KIRREL3: variants seen among roughly 807,000 people sequenced by gnomAD.
The protein encoded by KIRREL3 is kirre like nephrin family adhesion molecule 3, also known as kin of IRRE-like protein 3.
KIRREL3 carries 36 observed loss-of-function variants against 89.7 expected under a neutral mutation model. The observed-to-expected ratio is 0.40, with a 90% CI of 0.31 to 0.53. The LOEUF is 0.53. Ranked by LOEUF, KIRREL3 falls within the 20% of genes least tolerant of loss-of-function variation. KIRREL3 has a pLI of 0.49. For missense variants in KIRREL3, 864 were observed against 1,056.6 expected (o/e 0.82, Z 2.53); for synonymous variants, 445 against 441.4 (o/e 1.01, Z -0.10).
At chr11:126,971,747 C>T (rs948504071) in intron 1 of KIRREL3, among the ~76,000 whole-genome samples, 2 of 152,120 alleles carry the variant, frequency 1.3e-5, no homozygotes, top group African/African-American at 2.4e-5. Context: ...TGAATCTTTC[C>T]TATAGTCCAT....
At position 126,931,012 on chromosome 11, in the gene KIRREL3, C is replaced by T. The variant is rs568744623; in HGVS notation, c.55+69443G>A. On this transcript the variant is annotated intron_variant, in intron 1 of 16. Transcript: ENST00000525144. The surrounding 1 kb of genome is among the most constrained non-coding windows in gnomAD (Gnocchi z 5.1). Reference sequence around the variant, plus strand: ...TTCCCTCTGCCAGAATTCCCCTATCCATCTCCCACTCTCACACAGGACGAG... The same window carrying T: ...TTCCCTCTGCCAGAATTCCCCTATCTATCTCCCACTCTCACACAGGACGAG... Among the ~76,000 whole-genome samples, 2 of 152,326 alleles carry T rather than the reference C, an allele frequency of 1.3e-5. No homozygotes were observed. The highest frequency in any genetic ancestry group is 4.1e-4 in the South Asian group (2 of 4,824).
Position 126,710,437 on chromosome 11 carries a change from G to A in KIRREL3, c.56-147525C>T, listed in dbSNP as rs1185916179. Among the ~76,000 whole-genome samples, 2 of 152,146 alleles carry A rather than the reference G, an allele frequency of 1.3e-5. No individual in the cohort carries two copies. The highest frequency in any genetic ancestry group is 6.6e-5 in the Admixed American group (1 of 15,266). On this transcript the variant is annotated intron_variant, in intron 1 of 16. Coordinates refer to ENST00000525144, the MANE Select transcript of KIRREL3 (RefSeq NM_032531.4). This position sits in a 1 kb window ranked among gnomAD's most constrained non-coding sequence, Gnocchi z 4.2. ...GTGGGAAGTAGCTTTAGCTTCCCAC[G>A]ACTGTTCAATAGCATTCAAGTAACC... is the stretch of plus-strand genomic sequence containing the variant.
At chr11:126,617,136 T>C (rs1243125756) in intron 1 of KIRREL3, among the ~76,000 whole-genome samples, 1 of 152,240 alleles carries the variant, frequency 6.6e-6, no homozygotes, top group East Asian at 1.9e-4. Context: ...CCACAGATTC[T>C]AGTGGGCCTG....
At chr11:126,851,527 T>G (rs1944337554) in intron 1 of KIRREL3, among the ~76,000 whole-genome samples, 1 of 152,202 alleles carries the variant, frequency 6.6e-6, no homozygotes, top group Non-Finnish European at 1.5e-5. Context: ...GGAGCAATTA[T>G]CTACTCCCCG....
At chr11:126,707,242 A>C (rs887288880) in intron 1 of KIRREL3, among the ~76,000 whole-genome samples, 1 of 123,196 alleles carries the variant, frequency 8.1e-6, no homozygotes, top group Non-Finnish European at 1.6e-5. Context: ...CACCTTGTCC[A>C]TGGCTTTTTT....
At chr11:126,779,325 A>C (rs1041939310) in intron 1 of KIRREL3, among the ~76,000 whole-genome samples, 3 of 152,152 alleles carry the variant, frequency 2.0e-5, no homozygotes, top group Non-Finnish European at 4.4e-5. Flanking sequence ...TGGGCCACCC[A>C]GTAAGATTCA....
At chr11:126,785,872 C>CAAAAAA (rs34526435) in intron 1 of KIRREL3, among the ~76,000 whole-genome samples, 5 of 37,806 alleles carry the variant, frequency 1.3e-4, no homozygotes, top group Non-Finnish European at 2.2e-4. Flanking sequence ...GACTCCGTCT[C>CAAAAAA]AAAAAAAAAA....
At chr11:126,803,257 A>C (rs1323800837) in intron 1 of KIRREL3, among the ~76,000 whole-genome samples, 1 of 152,214 alleles carries the variant, frequency 6.6e-6, no homozygotes, top group African/African-American at 2.4e-5. Context: ...AAGGCCACAC[A>C]GGGATGAACA....
chr11:126,577,147 C>T (rs903733164), intron 1 of KIRREL3, among the ~76,000 whole-genome samples: 5 of 152,278 alleles, frequency 3.3e-5, no homozygotes, highest in South Asian at 2.1e-4. Context: ...TTGTCTTAGC[C>T]GCGTTTCCTA....
rs764587154 is a variant in KIRREL3, at chr11:126,677,545, G to A, written c.56-114633C>T. On this transcript the variant is annotated intron_variant, in intron 1 of 16. Coordinates refer to ENST00000525144, the MANE Select transcript of KIRREL3 (RefSeq NM_032531.4). The surrounding 1 kb of genome is among the most constrained non-coding windows in gnomAD (Gnocchi z 5.1). Reference sequence around the variant, plus strand: ...TCGGAGGTGAAATGACTTGTCAGAGGCCCCAGGGACAGTCAGTGGAAGCAC... The same window carrying A: ...TCGGAGGTGAAATGACTTGTCAGAGACCCCAGGGACAGTCAGTGGAAGCAC... Among the ~76,000 whole-genome samples the A allele has an allele frequency of 6.6e-6, 1 of 152,120 alleles. No homozygotes were observed. Among genetic ancestry groups the A allele is most frequent in the Non-Finnish European group, 1.5e-5 (1 of 68,022 alleles).
chr11:126,442,786 C>T (rs1955632738), intron 10 of KIRREL3, among the ~76,000 whole-genome samples: 1 of 152,238 alleles, frequency 6.6e-6, no homozygotes, highest in South Asian at 2.1e-4. Context: ...CTGAACTCAT[C>T]CACCTGCCTC....
Position 126,565,434 on chromosome 11 carries a change from A to G in KIRREL3, c.56-2522T>C, listed in dbSNP as rs190456125. 7.2e-5 allele frequency among the ~76,000 whole-genome samples: 11 copies of G among 152,316 alleles called. No individual in the cohort carries two copies. The East Asian group carries it at 2.1e-3, about 29-fold the overall frequency. On this transcript the variant is annotated intron_variant, in intron 1 of 16. Transcript: ENST00000525144. The surrounding 1 kb of genome is among the most constrained non-coding windows in gnomAD (Gnocchi z 5.4). ...ACCTGATTAATAAAAGAAATTGAGA[A>G]TGAGGCAATTTCTCAATGTATTTGG...
chr11:126,945,502 A>G (rs963693317), intron 1 of KIRREL3, among the ~76,000 whole-genome samples: 1 of 152,156 alleles, frequency 6.6e-6, no homozygotes, highest in Non-Finnish European at 1.5e-5. Context: ...ATTTAAATCT[A>G]TGCTTGCAAT....
intron 1 of KIRREL3, among the ~76,000 whole-genome samples, chr11:126,982,873 T>C (rs1473731455): frequency 2.6e-5 from 4 of 152,232 alleles, no homozygotes; most frequent in African/African-American, 9.6e-5. Flanking sequence ...CCAAGGTCTA[T>C]AGTATTTTAA....
rs1950382376 is a variant in KIRREL3, at chr11:126,783,244, A to G, written c.55+217211T>C. Among the ~76,000 whole-genome samples, 1 of 151,932 alleles carries G rather than the reference A, an allele frequency of 6.6e-6. No homozygotes were observed. The highest frequency in any genetic ancestry group is 2.4e-5 in the African/African-American group (1 of 41,346). On this transcript the variant is annotated intron_variant, in intron 1 of 16. Transcript: ENST00000525144. This position sits in a 1 kb window ranked among gnomAD's most constrained non-coding sequence, Gnocchi z 4.3. ...TTCCTTGGCATTCCTTGGCTTGTAG[A>G]TGTGTCCCTACAATCTCTGCCTCTG...
chr11:127,000,987 A>C (rs1950301892), upstream of KIRREL3: 1 of 243,630 alleles, frequency 4.1e-6, no homozygotes, highest in Non-Finnish European at 7.8e-6. The surrounding 1 kb of genome is among the most constrained non-coding windows in gnomAD (Gnocchi z 7.1). Context: ...TCTTTTCCCT[A>C]AATAGGGAAA....
In KIRREL3 at chr11:126,570,586, C is replaced by T. The variant is rs139550733; in HGVS notation, c.56-7674G>A. Among the ~76,000 whole-genome samples the T allele has an allele frequency of 1.9e-4, 29 of 152,328 alleles. No homozygotes were observed. Among genetic ancestry groups the T allele is most frequent in the Middle Eastern group, 3.4e-3 (1 of 294 alleles). ...CCTGCTGATCACGTGCCGATCAGCA[C>T]CTTACAGCTTGGTAAGCAGTGGCAG... On this transcript the variant is annotated intron_variant, in intron 1 of 16. Transcript: ENST00000525144. This position sits in a 1 kb window ranked among gnomAD's most constrained non-coding sequence, Gnocchi z 6.1.
At chr11:126,452,623 G>A (rs553107043) in intron 7 of KIRREL3, among the ~76,000 whole-genome samples, 3 of 152,324 alleles carry the variant, frequency 2.0e-5, no homozygotes, top group South Asian at 2.1e-4. Flanking sequence ...GGAGCATCAC[G>A]GAGGGTGGAA....
At chr11:126,619,202 C>T (rs942325147) in intron 1 of KIRREL3, among the ~76,000 whole-genome samples, 12 of 152,162 alleles carry the variant, frequency 7.9e-5, no homozygotes, top group African/African-American at 1.7e-4. Flanking sequence ...CAAGGATATG[C>T]CTTCCAAAGA....
Sources: gnomAD v4.1 joint callset for allele counts (sites outside exome capture counted in the v4.1 genomes callset) on GRCh38, gnomAD v4.1.1 for gene constraint, Gnocchi (gnomAD v3.1) non-coding constraint, MANE v1.5 for transcripts, NCBI Gene and HGNC (gene_info 2026-07-23, HGNC 2026-07-21) for gene names.